ESRRG: variants seen among roughly 807,000 people sequenced by gnomAD.
The protein encoded by ESRRG is estrogen-related receptor gamma.
In ESRRG, 13 loss-of-function variants were observed where a neutral mutation model predicts 44.0. The observed-to-expected ratio is 0.30, with a 90% CI of 0.19 to 0.47. The LOEUF (loss-of-function observed/expected upper bound fraction) is 0.47. ESRRG is among the 20% of genes least tolerant of loss of function. The pLI is 1.00. For synonymous variants in ESRRG, 215 were observed against 214.6 expected (o/e 1.00, Z -0.02); for missense variants, 395 against 580.6 (o/e 0.68, Z 3.29).
At chr1:216,884,017 A>C (rs2096485865) in intron 2 of ESRRG, among the ~76,000 whole-genome samples, 1 of 152,226 alleles carries the variant, frequency 6.6e-6, no homozygotes, top group South Asian at 2.1e-4. Flanking sequence ...TGCATTTAAA[A>C]GTTCCAGTGT....
chr1:217,106,098 C>A (rs553151964), intron 1 of ESRRG, among the ~76,000 whole-genome samples: 17 of 152,102 alleles, frequency 1.1e-4, no homozygotes, highest in Non-Finnish European at 2.4e-4. Flanking sequence ...TAAAGAAGTT[C>A]TTTCTTCCAA....
At chr1:216,804,589 T>A (rs1346753822) in intron 2 of ESRRG, among the ~76,000 whole-genome samples, 1 of 152,186 alleles carries the variant, frequency 6.6e-6, no homozygotes, top group Non-Finnish European at 1.5e-5. Context: ...TGTTGAAGAT[T>A]TATTAACTTG....
At chr1:216,943,625 C>T (rs1014524) in intron 1 of ESRRG, among the ~76,000 whole-genome samples, 4,451 of 152,246 alleles carry the variant, frequency 0.029, 88 homozygotes, top group Non-Finnish European at 0.048. Flanking sequence ...ACTTACTACA[C>T]ACACATACAA....
chr1:216,888,024 C>A (rs142426846), intron 2 of ESRRG, among the ~76,000 whole-genome samples: 1 of 151,712 alleles, frequency 6.6e-6, no homozygotes, highest in South Asian at 2.1e-4. Context: ...TTTTTTACCA[C>A]CAAACAACTA....
At chr1:217,130,505 G>T (rs960610060) in intron 1 of ESRRG, among the ~76,000 whole-genome samples, 9 of 152,030 alleles carry the variant, frequency 5.9e-5, no homozygotes, top group African/African-American at 1.9e-4. Flanking sequence ...CAAAGAGCTG[G>T]GACTGCAGGT....
At chr1:216,778,545 G>A (rs1572738) in intron 2 of ESRRG, among the ~76,000 whole-genome samples, 11,759 of 151,898 alleles carry the variant, frequency 0.077, 567 homozygotes, top group Middle Eastern at 0.14. Context: ...TCAAGCAGCA[G>A]TCTCTAATTA....
chr1:216,666,514 G>A (rs2073966636), intron 2 of ESRRG, among the ~76,000 whole-genome samples: 2 of 152,164 alleles, frequency 1.3e-5, no homozygotes, highest in Admixed American at 1.3e-4. Flanking sequence ...ACTTGGTTCT[G>A]GGTTAAGGGA....
intron 5 of ESRRG, among the ~76,000 whole-genome samples, chr1:216,555,308 T>C (rs2057301839): frequency 6.6e-6 from 1 of 152,226 alleles, no homozygotes; most frequent in Admixed American, 6.5e-5. Flanking sequence ...TTAAAACACA[T>C]ACACACTTTA....
chr1:216,755,175 CTT>C (rs2092368465), intron 2 of ESRRG, among the ~76,000 whole-genome samples: 2 of 151,852 alleles, frequency 1.3e-5, no homozygotes, highest in Non-Finnish European at 2.9e-5. Flanking sequence ...TAAAAACTGA[CTT>C]TACTTTTTTT....
chr1:217,133,200 G>C (rs556961830), intron 1 of ESRRG, among the ~76,000 whole-genome samples: 1 of 152,376 alleles, frequency 6.6e-6, no homozygotes, highest in Admixed American at 6.5e-5. Flanking sequence ...CTCACAGCCA[G>C]AGCAAGTCAC....
intron 3 of ESRRG, among the ~76,000 whole-genome samples, chr1:216,636,133 G>A (rs1025751929): frequency 1.3e-5 from 2 of 152,146 alleles, no homozygotes; most frequent in African/African-American, 2.4e-5. Flanking sequence ...AGTAATTGGC[G>A]ACTTAATAGC....
At chr1:216,779,256 AATATAAAT>A (rs2093763333) in intron 2 of ESRRG, among the ~76,000 whole-genome samples, 1 of 45,702 alleles carries the variant, frequency 2.2e-5, no homozygotes, top group Non-Finnish European at 3.7e-5. Flanking sequence ...TATATTTATA[AATATAAAT>A]ATATATTTAT....
chr1:216,881,562 A>C (rs867115794), intron 2 of ESRRG, among the ~76,000 whole-genome samples: 1 of 152,036 alleles, frequency 6.6e-6, no homozygotes, highest in East Asian at 1.9e-4. Context: ...CAAGAACAAA[A>C]AATTTTTTTT....
chr1:217,097,652 T>C (rs1380463747), intron 1 of ESRRG, among the ~76,000 whole-genome samples: 3 of 152,128 alleles, frequency 2.0e-5, no homozygotes, highest in South Asian at 2.1e-4. Flanking sequence ...ATCGGGGTTA[T>C]TGGGAAAGTT....
At chr1:216,671,781 A>T (rs1001622660) in intron 2 of ESRRG, among the ~76,000 whole-genome samples, 8 of 152,222 alleles carry the variant, frequency 5.3e-5, no homozygotes, top group Admixed American at 1.3e-4. Context: ...TATTTCTAGC[A>T]CTATAATGAG....
chr1:217,060,893 G>A (rs1435275212), intron 1 of ESRRG, among the ~76,000 whole-genome samples: 1 of 151,886 alleles, frequency 6.6e-6, no homozygotes, highest in African/African-American at 2.4e-5. Context: ...CAAATGTACA[G>A]GAATCTTCTT....
At position 216,692,953 on chromosome 1, in the gene ESRRG, C is replaced by T. The variant is rs1379953438; in HGVS notation, c.57-15462G>A. Among the ~76,000 whole-genome samples, 4 of 152,286 alleles carry T rather than the reference C, an allele frequency of 2.6e-5. No homozygotes were observed. In the South Asian group the frequency reaches 6.2e-4, roughly 24 times the overall value. On this transcript the variant is annotated intron_variant, in intron 1 of 6. Coordinates refer to ENST00000408911, the MANE Select transcript of ESRRG (RefSeq NM_001438.4). ...CTTGGATGTTCACGTAAGGAAACTG[C>T]CTAACAAGAAATTTCCCAGAACATA...
At chr1:217,043,387 C>A (rs1234389183) in intron 1 of ESRRG, among the ~76,000 whole-genome samples, 1 of 152,144 alleles carries the variant, frequency 6.6e-6, no homozygotes, top group African/African-American at 2.4e-5. Context: ...CCAGACTCAA[C>A]CTGAAAAGTT....
At chr1:217,128,014 C>T (rs753660708) in intron 1 of ESRRG, among the ~76,000 whole-genome samples, 1 of 152,152 alleles carries the variant, frequency 6.6e-6, no homozygotes, top group Admixed American at 6.5e-5. Context: ...GACAGCCACA[C>T]ATGTGCTCGC....
Sources: gnomAD v4.1 joint callset for allele counts (sites outside exome capture counted in the v4.1 genomes callset) on GRCh38, gnomAD v4.1.1 for gene constraint, MANE v1.5 for transcripts, NCBI Gene and HGNC (gene_info 2026-07-23, HGNC 2026-07-21) for gene names.